Variants in SH3BP5L observed in about 807,000 individuals in gnomAD.
SH3BP5L encodes the protein SH3 domain-binding protein 5-like.
Under a neutral mutation model 40.9 loss-of-function variants are expected in SH3BP5L, and 16 were observed. The ratio of observed to expected loss-of-function variants is 0.39; its 90% CI spans 0.27 to 0.59. The LOEUF (loss-of-function observed/expected upper bound fraction) is 0.59, where lower values mean the gene tolerates loss of function less well. Among genes scored for constraint, SH3BP5L ranks in the 20% least tolerant of loss-of-function variants. The probability of loss-of-function intolerance (pLI) is 0.53; values close to 1 mark genes in which losing one functional copy is unlikely to be tolerated. For synonymous variants in SH3BP5L, 229 were observed against 226.7 expected, an observed-to-expected ratio of 1.01 and a Z score of -0.09; for missense variants, 471 against 544.6, an observed-to-expected ratio of 0.86 and a Z score of 1.35.
intron 2 of SH3BP5L, 66 bp from the exon 3 acceptor site, chr1:248,816,950 G>A: frequency 6.2e-7 from 1 of 1,611,428 alleles, no homozygotes; most frequent in East Asian, 2.2e-5. Flanking sequence ...ACCATGCAAG[G>A]CAGGAGCAAC....
chr1:248,811,897 C>A lies in SH3BP5L; in HGVS notation c.*3G>T, dbSNP rs768856676. 3.1e-5 allele frequency: 47 copies of A among 1,509,678 alleles called. No homozygotes were observed. Among genetic ancestry groups the A allele is most frequent in the Admixed American group, 2.1e-5 (1 of 47,344 alleles). 93.5% of individuals were successfully genotyped at this position (1,509,678 alleles called of 1,614,324 possible). On this transcript the variant is annotated 3_prime_UTR_variant, in exon 7 of 7. Transcript: ENST00000366472. ...ATTCAAGCCAGGAACCCTGGCCCCT[C>A]GGCTACAGGCTGACGCTGCGCTGGT...
At chr1:248,814,642 C>A in intron 4 of SH3BP5L, 32 bp from the exon 5 acceptor site, 2 of 1,613,304 alleles carry the variant, frequency 1.2e-6, no homozygotes, top group East Asian at 2.2e-5. Flanking sequence ...GATGGGGAAC[C>A]CTGAGGGACC....
At chr1:248,814,932 T>G in intron 4 of SH3BP5L, 1 of 414,998 alleles carries the variant, frequency 2.4e-6, no homozygotes, top group Non-Finnish European at 4.6e-6. Context: ...GTTAGCAACA[T>G]AGACAGAGTC....
In SH3BP5L at chr1:248,824,843, TGGGC is replaced by T; in HGVS notation, c.89_92del (p.Ser30LysfsTer37). On this transcript the variant is annotated frameshift_variant, in exon 2 of 7. Coordinates refer to ENST00000366472, the MANE Select transcript of SH3BP5L (RefSeq NM_030645.3). LOFTEE classifies it high-confidence loss of function. ...CACCTCCTCCAGGCTCTTCTGCGACTGGGCTCCTAGGGACTTCATCCTCTACAAC... is the reference window on the plus strand; with the variant it reads ...CACCTCCTCCAGGCTCTTCTGCGACTTCCTAGGGACTTCATCCTCTACAAC... The T allele has an allele frequency of 6.2e-7, 1 of 1,614,168 alleles. No homozygotes were observed. Among genetic ancestry groups the T allele is most frequent in the Non-Finnish European group, 8.5e-7 (1 of 1,180,014 alleles).
At chr1:248,824,089 C>G (rs2103020326) in intron 2 of SH3BP5L, among the ~76,000 whole-genome samples, 1 of 152,218 alleles carries the variant, frequency 6.6e-6, no homozygotes, top group East Asian at 1.9e-4. Flanking sequence ...ATAAACTGCT[C>G]TTCCATTCCT....
chr1:248,811,956 G>A lies in SH3BP5L; in HGVS notation c.1126C>T (p.Arg376Trp), dbSNP rs771924829. Residue 376 changes from arginine to tryptophan, a missense_variant, in exon 7 of 7, where the codon CGG (arginine) becomes TGG (tryptophan). Physicochemically the swap from Arg to Trp is moderately radical, Grantham distance 101. This residue lies in a region of SH3BP5L where 196 missense variants were observed against 174.6 expected (regional missense o/e 1.12). Transcript: ENST00000366472. The stretch of plus-strand genomic sequence containing the variant: ...CCACGGGCTCCGCCGTCGCTGCCCC[G>A]GCGCCCTCCACTCCGCGTTCCCAGC... ...QELGTRSGGR[R>W]GSDGGARGGR... 4 of 1,572,998 alleles carry A rather than the reference G, an allele frequency of 2.5e-6. No individual in the cohort carries two copies. Among genetic ancestry groups the A allele is most frequent in the Non-Finnish European group, 3.4e-6 (4 of 1,159,884 alleles).
chr1:248,819,634 C>T (rs913618782), intron 2 of SH3BP5L, among the ~76,000 whole-genome samples: 2 of 132,522 alleles, frequency 1.5e-5, no homozygotes, highest in Non-Finnish European at 3.1e-5. Context: ...ATCTGGGAGG[C>T]GGAAGTTGCA....
At chr1:248,824,563 T>TCAG (rs1418511266) in intron 2 of SH3BP5L, among the ~76,000 whole-genome samples, 190 bp downstream of exon 2, 1 of 152,216 alleles carries the variant, frequency 6.6e-6, no homozygotes, top group African/African-American at 2.4e-5. Flanking sequence ...CTGCACTCCA[T>TCAG]CAGCACTTCA....
At position 248,818,622 on chromosome 1, in the gene SH3BP5L, C is replaced by T. The variant is rs551670470; in HGVS notation, c.184-1738G>A. 6.6e-4 allele frequency among the ~76,000 whole-genome samples: 100 copies of T among 152,338 alleles called. 1 individual carries two copies. The highest frequency in any genetic ancestry group is 1.7e-3 in the African/African-American group (70 of 41,574). ...TTGCTGGACAAGCTGGTTTGAGTGCCTTCCTGGCCCCTGGAAGGACTGGAG... is the reference window on the plus strand; with the variant it reads ...TTGCTGGACAAGCTGGTTTGAGTGCTTTCCTGGCCCCTGGAAGGACTGGAG... On this transcript the variant is annotated intron_variant, in intron 2 of 6. Coordinates refer to ENST00000366472, the MANE Select transcript of SH3BP5L (RefSeq NM_030645.3).
Position 248,824,996 on chromosome 1 carries a change from C to T in SH3BP5L, c.-61G>A. ...GAGGACTGACATGCTGGGACCAGGG[C>T]CCCAGCTTGGGGCTTCCTGGGCTCT... On this transcript the variant is annotated 5_prime_UTR_variant, in exon 2 of 7. Transcript: ENST00000366472. 1.3e-6 allele frequency: 2 copies of T among 1,529,960 alleles called. No homozygotes were observed. The highest frequency in any genetic ancestry group is 1.7e-6 in the Non-Finnish European group (2 of 1,143,822). The allele number at this position is 1,529,960 out of a possible 1,614,324, so 94.8% of individuals were successfully genotyped here.
Position 248,812,793 on chromosome 1 carries a change from C to G in SH3BP5L, c.711+196G>C, listed in dbSNP as rs942077979. On this transcript the variant is annotated intron_variant, in intron 6 of 6. Transcript: ENST00000366472. This position sits in a 1 kb window ranked among gnomAD's most constrained non-coding sequence, Gnocchi z 6.1. ...AACTACGTTCTCGCCGTCACCAGCC[C>G]CCATCACCAGCCCCCATCCCTGCCT... Among the ~76,000 whole-genome samples the G allele has an allele frequency of 2.6e-5, 4 of 151,890 alleles. No homozygotes were observed. Among genetic ancestry groups the G allele is most frequent in the African/African-American group, 9.7e-5 (4 of 41,250 alleles).
chr1:248,816,927 T>C (rs1303488796), intron 2 of SH3BP5L, 43 bp from the exon 3 acceptor site: 1 of 1,612,726 alleles, frequency 6.2e-7, no homozygotes, highest in Non-Finnish European at 8.5e-7. Flanking sequence ...TGGAAGGAAG[T>C]AGCCTTGAAT....
At chr1:248,819,494 G>A (rs1254324835) in intron 2 of SH3BP5L, among the ~76,000 whole-genome samples, 1 of 151,812 alleles carries the variant, frequency 6.6e-6, no homozygotes, top group Non-Finnish European at 1.5e-5. Flanking sequence ...CTGAGCTCAG[G>A]AGTTTGAGAA....
chr1:248,820,275 A>C (rs973174940), intron 2 of SH3BP5L: 3 of 152,298 alleles, frequency 2.0e-5, no homozygotes, highest in African/African-American at 7.2e-5. Flanking sequence ...GGTCAGCATC[A>C]ACACTACCAG....
rs1365952689 is a variant in SH3BP5L, at chr1:248,811,768, G to C, written c.*132C>G. On this transcript the variant is annotated 3_prime_UTR_variant, in exon 7 of 7. Transcript: ENST00000366472. The stretch of plus-strand genomic sequence containing the variant: ...AGGCACAGAGGACTCGAACACAGCT[G>C]GCCTCTCCCAGGGAAGCACTGGAGA... 1.5e-6 allele frequency: 1 copy of C among 680,394 alleles called. No homozygotes were observed. The highest frequency in any genetic ancestry group is 1.8e-5 in the African/African-American group (1 of 54,604). 42.1% of individuals were successfully genotyped at this position (680,394 alleles called of 1,614,324 possible). A position where few individuals can be genotyped will look rare whatever the true frequency, so the allele number is the denominator to read the frequency against.
chr1:248,818,492 A>G (rs1476618141), intron 2 of SH3BP5L, among the ~76,000 whole-genome samples: 4 of 152,238 alleles, frequency 2.6e-5, no homozygotes, highest in Non-Finnish European at 5.9e-5. Context: ...AGGAAAGTGT[A>G]TAGAGTCCAA....
chr1:248,816,721 TCAGA>T (rs1664117247), intron 3 of SH3BP5L, 59 bp from the exon 4 acceptor site: 2 of 1,613,046 alleles, frequency 1.2e-6, no homozygotes, highest in African/African-American at 2.7e-5. Flanking sequence ...CTCTTGTTTC[TCAGA>T]CACACCCCTC....
chr1:248,825,250 C>T lies in SH3BP5L; in HGVS notation c.-315G>A. On this transcript the variant is annotated 5_prime_UTR_variant, in exon 2 of 7. Transcript: ENST00000366472. ...AGGGGGCTTGGATCCTGGACCGAGG[C>T]CTGCTAGGAGGAGCACCATTCGGGA... The T allele has an allele frequency of 9.1e-7, 1 of 1,093,308 alleles. No homozygotes were observed. Among genetic ancestry groups the T allele is most frequent in the Non-Finnish European group, 1.1e-6 (1 of 897,498 alleles). The allele number at this position is 1,093,308 out of a possible 1,614,324, so 67.7% of individuals were successfully genotyped here.
At chr1:248,819,970 A>G (rs901925156) in intron 2 of SH3BP5L, among the ~76,000 whole-genome samples, 10 of 152,230 alleles carry the variant, frequency 6.6e-5, no homozygotes, top group Non-Finnish European at 1.3e-4. Context: ...ATAAAAATAC[A>G]TTTAACCCAA....
Sources: gnomAD v4.1 joint callset for allele counts (sites outside exome capture counted in the v4.1 genomes callset) on GRCh38, gnomAD v4.1.1 for gene constraint, gnomAD v4.1.1 regional missense constraint, Gnocchi (gnomAD v3.1) non-coding constraint, MANE v1.5 for transcripts, NCBI Gene and HGNC (gene_info 2026-07-23, HGNC 2026-07-21) for gene names.